The following DCAF7 variants were observed in gnomAD, a reference collection of about 807,000 sequenced individuals.
DCAF7 encodes the protein DDB1- and CUL4-associated factor 7.
A neutral mutation model predicts 41.2 loss-of-function variants in DCAF7; 4 were observed. That is an observed-to-expected ratio of 0.10 (90% CI 0.05 to 0.22). The LOEUF (loss-of-function observed/expected upper bound fraction) is 0.22. Ranked by LOEUF, DCAF7 falls within the 10% of genes least tolerant of loss-of-function variation. DCAF7 has a pLI of 1.00. For synonymous variants in DCAF7, 143 were observed against 164.2 expected, an observed-to-expected ratio of 0.87 and a Z score of 0.99; for missense variants, 131 against 443.2, an observed-to-expected ratio of 0.30 and a Z score of 6.32.
rs548626800 is a variant in DCAF7, at chr17:63,582,654, A to G, written c.529-848A>G. Among the ~76,000 whole-genome samples the G allele has an allele frequency of 1.6e-4, 24 of 152,118 alleles. No individual in the cohort carries two copies. In the East Asian group the frequency reaches 2.1e-3, roughly 13 times the overall value. On this transcript the variant is annotated intron_variant, in intron 4 of 6. Coordinates refer to ENST00000614556, the MANE Select transcript of DCAF7 (RefSeq NM_005828.5). ...CAGCTAATTTTTTTGTATTTTTAGT[A>G]GAGATGGGGTTTCACTGGGTTGGCC...
chr17:63,584,207 C>T (rs1047777748), intron 5 of DCAF7, among the ~76,000 whole-genome samples: 1 of 152,212 alleles, frequency 6.6e-6, no homozygotes, highest in South Asian at 2.1e-4. Context: ...CTCTGGGTCA[C>T]GCCTGTAATC....
chr17:63,582,564 G>A (rs140866981), intron 4 of DCAF7, among the ~76,000 whole-genome samples: 1,760 of 151,966 alleles, frequency 0.012, 29 homozygotes, highest in African/African-American at 0.039. Flanking sequence ...CGCCTCCCGG[G>A]TTCAAGCGAT....
chr17:63,583,886 G>C (rs181608001), intron 5 of DCAF7, among the ~76,000 whole-genome samples, 175 bp downstream of exon 5: 1 of 152,156 alleles, frequency 6.6e-6, no homozygotes, highest in Non-Finnish European at 1.5e-5. Context: ...TGGCATCTAG[G>C]GGGTAGAGAC....
intron 1 of DCAF7, among the ~76,000 whole-genome samples, chr17:63,576,630 A>AT (rs2033565072): frequency 6.6e-6 from 1 of 151,284 alleles, no homozygotes; most frequent in Non-Finnish European, 1.5e-5. Context: ...GACATAAAAA[A>AT]TTTTTTGGGT....
At chr17:63,574,160 A>G (rs529930567) in intron 1 of DCAF7, among the ~76,000 whole-genome samples, 281 of 152,198 alleles carry the variant, frequency 1.8e-3, no homozygotes, top group Non-Finnish European at 2.7e-3. Context: ...CTTCTGTTCT[A>G]CCTACCTGGG....
chr17:63,580,047 TCATAA>T (rs1485740578), intron 4 of DCAF7, 104 bp downstream of exon 4: 5 of 817,164 alleles, frequency 6.1e-6, no homozygotes, highest in South Asian at 3.1e-5. Flanking sequence ...ATGTAGAAAA[TCATAA>T]CATAACATCT....
chr17:63,559,399 G>GTGTA (rs1555680842), intron 1 of DCAF7, among the ~76,000 whole-genome samples: 120 of 88,026 alleles, frequency 1.4e-3, no homozygotes, highest in African/African-American at 2.1e-3. Flanking sequence ...ATATATATAT[G>GTGTA]TATATATATG....
At chr17:63,580,632 C>T (rs985987142) in intron 4 of DCAF7, among the ~76,000 whole-genome samples, 5 of 149,656 alleles carry the variant, frequency 3.3e-5, no homozygotes, top group Non-Finnish European at 7.4e-5. Flanking sequence ...AATTCTCCTG[C>T]CTCAGCTTCC....
At chr17:63,560,111 A>AT (rs979110277) in intron 1 of DCAF7, among the ~76,000 whole-genome samples, 1 of 152,122 alleles carries the variant, frequency 6.6e-6, no homozygotes, top group Admixed American at 6.6e-5. Flanking sequence ...TATGTAAATG[A>AT]TTCTTGAACG....
Position 63,550,534 on chromosome 17 carries a change from T to C in DCAF7, c.-144T>C. On this transcript the variant is annotated 5_prime_UTR_variant, in exon 1 of 7. Coordinates refer to ENST00000614556, the MANE Select transcript of DCAF7 (RefSeq NM_005828.5). This position sits in a 1 kb window ranked among gnomAD's most constrained non-coding sequence, Gnocchi z 4.8. Reference sequence around the variant, plus strand: ...GGTCGGGCTCGGCCGTCGTCGTTGTTTGTCGCCGCATCCCCGCTTCCGGGT... The same window carrying C: ...GGTCGGGCTCGGCCGTCGTCGTTGTCTGTCGCCGCATCCCCGCTTCCGGGT... 1 of 1,325,844 alleles carries C rather than the reference T, an allele frequency of 7.5e-7. No homozygotes were observed. The highest frequency in any genetic ancestry group is 2.5e-5 in the East Asian group (1 of 39,790). The allele number at this position is 1,325,844 out of a possible 1,614,324, so 82.1% of individuals were successfully genotyped here.
intron 1 of DCAF7, among the ~76,000 whole-genome samples, chr17:63,562,822 C>CTTTT (rs72028555): frequency 4.2e-5 from 6 of 141,538 alleles, no homozygotes; most frequent in Non-Finnish European, 9.2e-5. Flanking sequence ...AAAATATTTT[C>CTTTT]TTTTTTTTTT....
intron 1 of DCAF7, among the ~76,000 whole-genome samples, chr17:63,557,890 T>C (rs1303173751): frequency 6.6e-6 from 1 of 152,160 alleles, no homozygotes; most frequent in African/African-American, 2.4e-5. Context: ...ATTTATCTTA[T>C]TTTTCGTGTG....
chr17:63,570,290 C>T (rs2033491907), intron 1 of DCAF7, among the ~76,000 whole-genome samples: 2 of 151,620 alleles, frequency 1.3e-5, no homozygotes, highest in South Asian at 4.2e-4. Flanking sequence ...CCCGTCTCTA[C>T]AAAATATGGA....
At chr17:63,553,929 C>T (rs1487558012) in intron 1 of DCAF7, among the ~76,000 whole-genome samples, 1 of 152,110 alleles carries the variant, frequency 6.6e-6, no homozygotes, top group Non-Finnish European at 1.5e-5. Flanking sequence ...TAGGGCTGGG[C>T]GTGGTGGCTC....
At chr17:63,575,706 AAG>A (rs558859582) in intron 1 of DCAF7, among the ~76,000 whole-genome samples, 23 of 152,336 alleles carry the variant, frequency 1.5e-4, no homozygotes, top group Admixed American at 3.9e-4. Flanking sequence ...GAACTTAAAA[AAG>A]GCGTAAATTA....
chr17:63,579,706 G>A, intron 3 of DCAF7, 119 bp from the exon 4 acceptor site: 1 of 886,124 alleles, frequency 1.1e-6, no homozygotes, highest in Non-Finnish European at 1.7e-6. Flanking sequence ...CCCCCACCTT[G>A]TTTTCTGTAG....
At chr17:63,569,556 A>G (rs1225439643) in intron 1 of DCAF7, among the ~76,000 whole-genome samples, 2 of 152,178 alleles carry the variant, frequency 1.3e-5, no homozygotes, top group African/African-American at 4.8e-5. Flanking sequence ...ATGGCTTCAT[A>G]TATACCACTT....
Position 63,589,005 on chromosome 17 carries a change from G to T in DCAF7, c.862G>T (p.Asp288Tyr). The T allele has an allele frequency of 6.2e-7, 1 of 1,609,122 alleles. No individual in the cohort carries two copies. The highest frequency in any genetic ancestry group is 1.1e-5 in the South Asian group (1 of 90,850). The stretch of plus-strand genomic sequence containing the variant: ...CTGGCTTTCTTTGTCCCTAGCGGAT[G>T]ACCACCAGGCTCTCATCTGGGACAT... ...SSCHICTAAD[D>Y]HQALIWDIQQ... The change falls in exon 7 of 7, where the codon GAC (aspartate) becomes TAC (tyrosine). Residue 288 changes from aspartate (D) to tyrosine (Y), a missense_variant. By Grantham distance (160) the Asp-to-Tyr change is radical. Coordinates refer to ENST00000614556, the MANE Select transcript of DCAF7 (RefSeq NM_005828.5).
At position 63,550,634 on chromosome 17, in the gene DCAF7, C is replaced by T. The variant is rs1161293847; in HGVS notation, c.-44C>T. 1 of 1,601,692 alleles carries T rather than the reference C, an allele frequency of 6.2e-7. No individual in the cohort carries two copies. Among genetic ancestry groups the T allele is most frequent in the South Asian group, 1.1e-5 (1 of 90,886 alleles). On this transcript the variant is annotated 5_prime_UTR_variant, in exon 1 of 7. Transcript: ENST00000614556. The surrounding 1 kb of genome is among the most constrained non-coding windows in gnomAD (Gnocchi z 4.8). ...CTCAGGCTCGGCTCCCCGCCCGCCG[C>T]AGCCCACTGTTGACCCGGCCCGTAC...
Sources: gnomAD v4.1 joint callset for allele counts (sites outside exome capture counted in the v4.1 genomes callset) on GRCh38, gnomAD v4.1.1 for gene constraint, Gnocchi (gnomAD v3.1) non-coding constraint, MANE v1.5 for transcripts, NCBI Gene and HGNC (gene_info 2026-07-23, HGNC 2026-07-21) for gene names.